Variants in MLIP observed in about 807,000 individuals in gnomAD.
MLIP encodes muscular LMNA-interacting protein.
In MLIP, 79 loss-of-function variants were observed where a neutral mutation model predicts 84.8. The observed-to-expected ratio is 0.93, with a 90% confidence interval of 0.78 to 1.12. MLIP has a LOEUF of 1.12. Ranked by LOEUF, MLIP falls within the 50% of genes most tolerant of loss-of-function variation. The pLI is 0.00. For missense variants in MLIP, 1,257 were observed against 1,160.6 expected, an observed-to-expected ratio of 1.08 and a Z score of -1.21; for synonymous variants, 504 against 463.0, an observed-to-expected ratio of 1.09 and a Z score of -1.14.
intron 12 of MLIP, among the ~76,000 whole-genome samples, chr6:54,254,956 T>C (rs1782907901): frequency 6.6e-6 from 1 of 152,120 alleles, no homozygotes; most frequent in Admixed American, 6.6e-5. Flanking sequence ...GACTTCTCAC[T>C]GCCTAAGATA....
intron 10 of MLIP, among the ~76,000 whole-genome samples, chr6:54,200,495 AG>A (rs36165860): frequency 0.015 from 2,247 of 152,260 alleles, 44 homozygotes; most frequent in African/African-American, 0.05. Context: ...GAAATGAAGC[AG>A]GAAGTCAAAT....
At chr6:54,120,829 TACTG>T (rs1166938782) in intron 1 of MLIP, among the ~76,000 whole-genome samples, 2 of 152,122 alleles carry the variant, frequency 1.3e-5, no homozygotes, top group African/African-American at 2.4e-5. Flanking sequence ...GTGAGTAGTC[TACTG>T]ACTGTTTCCT....
intron 8 of MLIP, among the ~76,000 whole-genome samples, chr6:54,163,483 T>C (rs750408904): frequency 6.6e-5 from 10 of 152,046 alleles, no homozygotes; most frequent in South Asian, 2.1e-4. Context: ...ATTTACTAGT[T>C]TGAACATTTT....
intron 5 of MLIP, among the ~76,000 whole-genome samples, chr6:54,158,903 A>G (rs1174928721): frequency 2.6e-5 from 4 of 151,902 alleles, no homozygotes; most frequent in East Asian, 1.9e-4. Context: ...GGAAATGACA[A>G]CCCCGCTTTT....
At chr6:54,254,745 T>TCCC (rs750904919) in intron 12 of MLIP, among the ~76,000 whole-genome samples, 2 of 127,540 alleles carry the variant, frequency 1.6e-5, no homozygotes, top group African/African-American at 6.6e-5. Context: ...TCTCCCTCCC[T>TCCC]TCCTTCCTTC....
At chr6:54,257,395 C>T (rs1783079815) in intron 13 of MLIP, 34 bp downstream of exon 13, 2 of 1,466,614 alleles carry the variant, frequency 1.4e-6, no homozygotes, top group Non-Finnish European at 1.9e-6. Context: ...ATCTAATTAT[C>T]CATTTCTGTG....
rs1766174303 is a variant in MLIP, at chr6:54,065,138, A to G, written c.63+46047A>G. On this transcript the variant is annotated intron_variant, in intron 1 of 12. Coordinates refer to the MLIP transcript ENST00000274897. Reference sequence around the variant, plus strand: ...TTAGAACAAAGTTGTACATTTTTGGACAATAAACTTCTTTGTCCCTTGGTT... The same window carrying G: ...TTAGAACAAAGTTGTACATTTTTGGGCAATAAACTTCTTTGTCCCTTGGTT... Among the ~76,000 whole-genome samples, 2 of 100,520 alleles carry G rather than the reference A, an allele frequency of 2.0e-5. 1 individual carries two copies. Among genetic ancestry groups the G allele is most frequent in the African/African-American group, 5.1e-5 (2 of 39,294 alleles). The allele number at this position is 100,520 out of a possible 152,430, so 65.9% of individuals were successfully genotyped here.
chr6:54,113,203 C>A (rs984602608), intron 1 of MLIP, among the ~76,000 whole-genome samples: 1 of 152,036 alleles, frequency 6.6e-6, no homozygotes, highest in Non-Finnish European at 1.5e-5. Flanking sequence ...TAAGGGAAGG[C>A]CTAGTTACAG....
intron 11 of MLIP, among the ~76,000 whole-genome samples, chr6:54,208,323 C>A (rs926220943): frequency 6.6e-6 from 1 of 151,676 alleles, no homozygotes; most frequent in East Asian, 2.0e-4. Context: ...CAGTGGCTCA[C>A]GCCTGTAATC....
chr6:54,202,059 A>AGCT, intron 10 of MLIP, 46 bp from the exon 11 acceptor site: 1 of 1,356,800 alleles, frequency 7.4e-7, no homozygotes, highest in Non-Finnish European at 9.9e-7. Flanking sequence ...TCATTTTAAT[A>AGCT]GTGTTTTTTT....
intron 13 of MLIP, among the ~76,000 whole-genome samples, chr6:54,264,939 C>T (rs780652329): frequency 2.6e-4 from 39 of 152,024 alleles, no homozygotes; most frequent in Non-Finnish European, 3.5e-4. Flanking sequence ...AGAATGTAAC[C>T]GCGATTCACA....
chr6:54,041,502 G>C (rs1231070444), intron 1 of MLIP, among the ~76,000 whole-genome samples: 3 of 152,032 alleles, frequency 2.0e-5, no homozygotes, highest in Non-Finnish European at 4.4e-5. Flanking sequence ...CTGCCAAACT[G>C]TTTTTCCAGG....
intron 1 of MLIP, chr6:54,030,746 C>G (rs1168607821): frequency 6.6e-6 from 1 of 152,108 alleles, no homozygotes; most frequent in East Asian, 1.9e-4. Flanking sequence ...GCAGACAGGA[C>G]TATAAATTGC....
At chr6:54,117,966 ACAG>A (rs1275329749) in intron 1 of MLIP, among the ~76,000 whole-genome samples, 3 of 128,472 alleles carry the variant, frequency 2.3e-5, no homozygotes, top group African/African-American at 9.8e-5. Flanking sequence ...AACAACAACA[ACAG>A]CAACAACAAC....
chr6:54,186,538 C>T (rs541882391), intron 9 of MLIP, among the ~76,000 whole-genome samples: 3 of 152,286 alleles, frequency 2.0e-5, no homozygotes, highest in East Asian at 1.9e-4. Context: ...TTAATTGAGT[C>T]GCAGTTCTGC....
rs116759932 is a variant in MLIP at position 54,135,482 on chromosome 6, T to A, written c.646-1233T>A. 8.0e-3 allele frequency among the ~76,000 whole-genome samples: 1,217 copies of A among 152,222 alleles called. 18 individuals carry two copies. Among genetic ancestry groups the A allele is most frequent in the African/African-American group, 0.027 (1,130 of 41,572 alleles). On this transcript the variant is annotated intron_variant, in intron 3 of 13. Coordinates refer to ENST00000502396, the MANE Select transcript of MLIP (RefSeq NM_001281747.2). ...TTTTAGAGATTAAAACTATATGACA[T>A]GAAAACCTCTGCATTAGGTCTGATG...
intron 4 of MLIP, among the ~76,000 whole-genome samples, chr6:54,148,837 C>T (rs2797427): frequency 0.3 from 45,283 of 151,978 alleles, 6,985 homozygotes; most frequent in African/African-American, 0.36. Flanking sequence ...TGCCTGTAAT[C>T]TCTAGGCTGA....
At chr6:54,211,957 G>A (rs1779482547) in intron 11 of MLIP, among the ~76,000 whole-genome samples, 1 of 152,108 alleles carries the variant, frequency 6.6e-6, no homozygotes, top group Non-Finnish European at 1.5e-5. Context: ...TCTTTAGGGA[G>A]AACTAAGAAC....
At chr6:54,180,420 C>A in intron 9 of MLIP, among the ~76,000 whole-genome samples, 1 of 152,134 alleles carries the variant, frequency 6.6e-6, no homozygotes, top group Admixed American at 6.5e-5. Context: ...ACTCCTATCT[C>A]CTACCTTTGT....
Sources: allele counts gnomAD v4.1 joint callset (sites outside exome capture counted in the v4.1 genomes callset), GRCh38; gene constraint gnomAD v4.1.1; transcripts MANE v1.5; gene names NCBI Gene and HGNC (gene_info 2026-07-23, HGNC 2026-07-21).